Variants in IGSF21 observed in about 807,000 individuals in gnomAD.
The protein encoded by IGSF21 is immunoglobulin superfamily member 21.
In IGSF21, 28 loss-of-function variants were observed where a neutral mutation model predicts 46.8. The observed-to-expected ratio is 0.60, with a 90% CI of 0.44 to 0.82. The LOEUF (loss-of-function observed/expected upper bound fraction) is 0.82, where lower values mean the gene tolerates loss of function less well. IGSF21 is among the 40% of genes least tolerant of loss of function. The pLI is 0.00. For missense variants in IGSF21, 624 were observed against 665.5 expected (o/e 0.94, Z 0.69); for synonymous variants, 284 against 273.6 (o/e 1.04, Z -0.38).
intron 2 of IGSF21, among the ~76,000 whole-genome samples, chr1:18,274,853 C>T (rs547756042): frequency 6.6e-6 from 1 of 152,274 alleles, no homozygotes; most frequent in East Asian, 1.9e-4. Context: ...CGGTGAAACC[C>T]CATCTCTACT....
intron 1 of IGSF21, among the ~76,000 whole-genome samples, chr1:18,176,420 A>G (rs2086798123): frequency 6.6e-6 from 1 of 152,232 alleles, no homozygotes; most frequent in Non-Finnish European, 1.5e-5. Flanking sequence ...GGCTCTAGCC[A>G]AGTGATCTTG....
chr1:18,235,190 G>C (rs569760249), intron 2 of IGSF21, among the ~76,000 whole-genome samples: 1 of 152,156 alleles, frequency 6.6e-6, no homozygotes, highest in African/African-American at 2.4e-5. Flanking sequence ...TGACAGTGAC[G>C]CACTCAACCC....
chr1:18,190,842 G>A (rs1048932721), intron 1 of IGSF21, among the ~76,000 whole-genome samples: 7 of 152,188 alleles, frequency 4.6e-5, no homozygotes, highest in Non-Finnish European at 8.8e-5. Context: ...CCTAATCACC[G>A]GGTGATCTTG....
rs2086124575 is a variant in IGSF21, at chr1:18,109,716, T to G, written c.70+1518T>G. ...GGAACAAGAGACTTTCCTAAGTGGA[T>G]CAAAATGTCCCCCCTCAACTTTGGG... On this transcript the variant is annotated intron_variant, in intron 1 of 9. Coordinates refer to ENST00000251296, the MANE Select transcript of IGSF21 (RefSeq NM_032880.5). The surrounding 1 kb of genome is among the most constrained non-coding windows in gnomAD (Gnocchi z 4.8). The G allele has an allele frequency of 6.6e-6, 1 of 151,850 alleles. No homozygotes were observed. The highest frequency in any genetic ancestry group is 1.5e-5 in the Non-Finnish European group (1 of 67,966). The allele number at this position is 151,850 out of a possible 1,614,324, so 9.4% of individuals were successfully genotyped here.
intron 2 of IGSF21, among the ~76,000 whole-genome samples, chr1:18,283,341 G>A (rs982552293): frequency 2.0e-5 from 3 of 152,208 alleles, no homozygotes; most frequent in African/African-American, 7.2e-5. Context: ...AGAGAGGTGA[G>A]TGGCACCTGA....
chr1:18,299,368 C>T, intron 3 of IGSF21, among the ~76,000 whole-genome samples: 1 of 152,210 alleles, frequency 6.6e-6, no homozygotes, highest in Non-Finnish European at 1.5e-5. Context: ...GTTAAATGAT[C>T]CTTCTACAAT....
chr1:18,292,112 C>T (rs981056916), intron 3 of IGSF21, 125 bp downstream of exon 3: 3 of 1,010,096 alleles, frequency 3.0e-6, no homozygotes, highest in Non-Finnish European at 4.4e-6. Flanking sequence ...GAAGGCAGAA[C>T]TGGGGGCTCC....
chr1:18,310,602 G>A (rs1437875095), intron 3 of IGSF21, among the ~76,000 whole-genome samples: 1 of 152,180 alleles, frequency 6.6e-6, no homozygotes, highest in Non-Finnish European at 1.5e-5. Flanking sequence ...TGGAGAGGAC[G>A]TGTGGGGTGC....
intron 1 of IGSF21, among the ~76,000 whole-genome samples, chr1:18,208,986 G>T (rs1429123480): frequency 6.6e-6 from 1 of 152,148 alleles, no homozygotes; most frequent in Non-Finnish European, 1.5e-5. Flanking sequence ...ATATGGAGAA[G>T]CCAGCATAGA....
intron 1 of IGSF21, among the ~76,000 whole-genome samples, chr1:18,211,971 T>C (rs1042777132): frequency 2.6e-5 from 4 of 152,176 alleles, no homozygotes; most frequent in African/African-American, 9.7e-5. Context: ...CTGAGGCCCA[T>C]GTGGAGCAGC....
intron 2 of IGSF21, among the ~76,000 whole-genome samples, chr1:18,286,997 C>T (rs375104622): frequency 1.2e-4 from 18 of 151,620 alleles, no homozygotes; most frequent in South Asian, 1.0e-3. Context: ...CCGGCTAAAA[C>T]GGTGAAACCC....
chr1:18,228,091 G>A (rs2084587582), intron 2 of IGSF21, 81 bp downstream of exon 2: 1 of 1,110,012 alleles, frequency 9.0e-7, no homozygotes, highest in Admixed American at 1.8e-5. Context: ...CACCCTCACT[G>A]GTGTGGCTAT....
chr1:18,228,172 C>T (rs1415795430), intron 2 of IGSF21, among the ~76,000 whole-genome samples, 162 bp downstream of exon 2: 1 of 152,150 alleles, frequency 6.6e-6, no homozygotes, highest in Non-Finnish European at 1.5e-5. Flanking sequence ...CTGACACCCT[C>T]CTTGGGTACT....
At chr1:18,272,401 C>T (rs900377344) in intron 2 of IGSF21, among the ~76,000 whole-genome samples, 1 of 152,156 alleles carries the variant, frequency 6.6e-6, no homozygotes, top group Non-Finnish European at 1.5e-5. Context: ...GTCGCTTCAC[C>T]CCTCCAGGCT....
chr1:18,314,493 T>C (rs956329195), intron 3 of IGSF21, among the ~76,000 whole-genome samples: 2 of 152,200 alleles, frequency 1.3e-5, no homozygotes, highest in African/African-American at 4.8e-5. Flanking sequence ...TGGGTTTGAC[T>C]GGTATCGTGG....
intron 1 of IGSF21, 104 bp downstream of exon 1, chr1:18,108,302 G>C: frequency 8.6e-7 from 1 of 1,161,212 alleles, no homozygotes; most frequent in Admixed American, 4.4e-5. Flanking sequence ...CTCGGGCTAC[G>C]AGCACCGGTC....
chr1:18,133,430 G>A (rs941037919), intron 1 of IGSF21, among the ~76,000 whole-genome samples: 1 of 152,228 alleles, frequency 6.6e-6, no homozygotes, highest in African/African-American at 2.4e-5. Flanking sequence ...TGGACAAGTC[G>A]CTTCACCTCT....
chr1:18,204,432 C>T (rs946148310), intron 1 of IGSF21, among the ~76,000 whole-genome samples: 1 of 152,206 alleles, frequency 6.6e-6, no homozygotes, highest in Non-Finnish European at 1.5e-5. Context: ...AGGACAGGAA[C>T]ACTGCCAGAA....
intron 2 of IGSF21, among the ~76,000 whole-genome samples, chr1:18,262,551 G>A (rs1416201467): frequency 2.6e-5 from 4 of 152,178 alleles, no homozygotes; most frequent in Non-Finnish European, 4.4e-5. Context: ...AATCTGGTGC[G>A]AGTGTCTGGC....
Sources: gnomAD v4.1 joint callset for allele counts (sites outside exome capture counted in the v4.1 genomes callset) on GRCh38, gnomAD v4.1.1 for gene constraint, Gnocchi (gnomAD v3.1) non-coding constraint, MANE v1.5 for transcripts, NCBI Gene and HGNC (gene_info 2026-07-23, HGNC 2026-07-21) for gene names.